The following WFDC10B variants were observed in gnomAD, a reference collection of about 807,000 sequenced individuals.
The protein encoded by WFDC10B is protein WFDC10B.
Under a neutral mutation model 2.7 loss-of-function variants are expected in WFDC10B, and 1 was observed. The ratio of observed to expected loss-of-function variants is 0.38; its 90% confidence interval spans 0.13 to 1.79. The LOEUF (loss-of-function observed/expected upper bound fraction) is 1.79. WFDC10B is among the 40% of genes most tolerant of loss of function. The probability of loss-of-function intolerance (pLI) is 0.33; values close to 1 mark genes in which losing one functional copy is unlikely to be tolerated. For synonymous variants in WFDC10B, 26 were observed against 32.2 expected, an observed-to-expected ratio of 0.81 and a Z score of 0.65; for missense variants, 71 against 87.8, an observed-to-expected ratio of 0.81 and a Z score of 0.76.
chr20:45,684,668 T>C lies in WFDC10B; in HGVS notation c.*162A>G. 1 of 925,934 alleles carries C rather than the reference T, an allele frequency of 1.1e-6. No homozygotes were observed. Among genetic ancestry groups the C allele is most frequent in the South Asian group, 1.7e-5 (1 of 58,094 alleles). The allele number at this position is 925,934 out of a possible 1,614,324, so 57.4% of individuals were successfully genotyped here. A position where few individuals can be genotyped will look rare whatever the true frequency, so the allele number is the denominator to read the frequency against. On this transcript the variant is annotated 3_prime_UTR_variant, in exon 4 of 4. Transcript: ENST00000330523. ...AGGCAGGATCCATGGGCATTTGTTC[T>C]GGTTTATTTGACAGGGACAGGGAGT...
intron 2 of WFDC10B, among the ~76,000 whole-genome samples, chr20:45,692,179 C>T (rs1983833818): frequency 6.6e-6 from 1 of 152,172 alleles, no homozygotes; most frequent in African/African-American, 2.4e-5. Flanking sequence ...TCTCTTCTGG[C>T]TTGTAGAGTT....
chr20:45,702,308 G>A (rs1226222905), intron 2 of WFDC10B: 23 of 1,264,186 alleles, frequency 1.8e-5, no homozygotes, highest in South Asian at 9.5e-5. Context: ...GAAAAATACC[G>A]TGTCATGTTC....
rs1002233434 is a variant in WFDC10B at position 45,704,563 on chromosome 20, T to C, written c.-129-2A>G. On this transcript the variant is annotated splice_acceptor_variant, in intron 1 of 3. Transcript: ENST00000330523. LOFTEE classifies it low-confidence loss of function (5UTR_SPLICE). ...CTGTTCCTCCTTCTGTGGGATAGTC[T>C]GTTCATCAGAAACATTTCAAAAGCG... The C allele has an allele frequency of 6.2e-7, 1 of 1,614,070 alleles. No homozygotes were observed. Among genetic ancestry groups the C allele is most frequent in the African/African-American group, 1.3e-5 (1 of 74,920 alleles).
intron 2 of WFDC10B, among the ~76,000 whole-genome samples, chr20:45,697,275 G>A (rs1281439159): frequency 6.6e-6 from 1 of 150,640 alleles, no homozygotes; most frequent in Non-Finnish European, 1.5e-5. Flanking sequence ...AAAATACCTA[G>A]AAATAAATTT....
At chr20:45,686,919 C>T (rs1983639418) in intron 2 of WFDC10B, among the ~76,000 whole-genome samples, 1 of 152,074 alleles carries the variant, frequency 6.6e-6, no homozygotes, top group African/African-American at 2.4e-5. Context: ...TATCAACCTC[C>T]CAAAGTCATG....
rs751601632 is a variant in WFDC10B, at chr20:45,685,379, TCTC to T, written c.92-422_92-420del. ...GATGAACTTGCCTCTCATCCCTCCT[TCTC>T]CTCTCCTCTCCATCACTGTCCCTAG... On this transcript the variant is annotated intron_variant, in intron 3 of 3. Coordinates refer to ENST00000330523, the MANE Select transcript of WFDC10B (RefSeq NM_172006.2). 1.4e-3 allele frequency among the ~76,000 whole-genome samples: 220 copies of T among 151,836 alleles called. 4 individuals are homozygous for T. Among genetic ancestry groups the T allele is most frequent in the Admixed American group, 1.6e-3 (24 of 15,260 alleles).
chr20:45,692,097 G>A (rs919321498), intron 2 of WFDC10B, among the ~76,000 whole-genome samples: 1 of 152,096 alleles, frequency 6.6e-6, no homozygotes, highest in Non-Finnish European at 1.5e-5. Flanking sequence ...CACTTATGAA[G>A]CTTAGTTTGG....
At chr20:45,704,280 C>G (rs1984294727) in intron 2 of WFDC10B, among the ~76,000 whole-genome samples, 1 of 152,186 alleles carries the variant, frequency 6.6e-6, no homozygotes, top group African/African-American at 2.4e-5. Context: ...GCTCAGAACT[C>G]AGAGGAAGGC....
At position 45,686,195 on chromosome 20, in the gene WFDC10B, G is replaced by A. The variant is rs1054421337; in HGVS notation, c.-64-139C>T. ...CCTGTCCTTCTCCATGTAGGATAGGGCTTCTGCAGGAATGATGCCTCCTCT... is the reference window on the plus strand; with the variant it reads ...CCTGTCCTTCTCCATGTAGGATAGGACTTCTGCAGGAATGATGCCTCCTCT... On this transcript the variant is annotated intron_variant, in intron 2 of 3. Coordinates refer to ENST00000330523, the MANE Select transcript of WFDC10B (RefSeq NM_172006.2). 138 of 983,632 alleles carry A rather than the reference G, an allele frequency of 1.4e-4. No individual in the cohort carries two copies. The African/African-American group carries it at 2.0e-3, about 14-fold the overall frequency. 60.9% of individuals were successfully genotyped at this position (983,632 alleles called of 1,614,324 possible).
chr20:45,687,515 G>T (rs188416102), intron 2 of WFDC10B, among the ~76,000 whole-genome samples: 346 of 152,150 alleles, frequency 2.3e-3, no homozygotes, highest in African/African-American at 8.0e-3. Flanking sequence ...CCATTCCTTT[G>T]GGTATATACC....
In WFDC10B at chr20:45,684,729, TCTTGTG is replaced by T; in HGVS notation, c.*95_*100del. On this transcript the variant is annotated 3_prime_UTR_variant, in exon 4 of 4. Coordinates refer to ENST00000330523, the MANE Select transcript of WFDC10B (RefSeq NM_172006.2). ...GGGAGGGTGGCATTCCTGTTGATGTTCTTGTGCTGATGATTTGATGTCCTTGTGCTT... is the reference window on the plus strand; with the variant it reads ...GGGAGGGTGGCATTCCTGTTGATGTTCTGATGATTTGATGTCCTTGTGCTT... 1 of 1,508,432 alleles carries T rather than the reference TCTTGTG, an allele frequency of 6.6e-7. No homozygotes were observed. Among genetic ancestry groups the T allele is most frequent in the Non-Finnish European group, 9.0e-7 (1 of 1,109,862 alleles). 93.4% of individuals were successfully genotyped at this position (1,508,432 alleles called of 1,614,324 possible).
intron 2 of WFDC10B, among the ~76,000 whole-genome samples, chr20:45,697,500 T>C (rs1274967014): frequency 6.7e-6 from 1 of 149,484 alleles, no homozygotes; most frequent in Non-Finnish European, 1.5e-5. Flanking sequence ...TATAGGCGCA[T>C]GCCACTACGC....
chr20:45,695,579 G>A (rs1983951950), intron 2 of WFDC10B, among the ~76,000 whole-genome samples: 1 of 152,078 alleles, frequency 6.6e-6, no homozygotes, highest in Non-Finnish European at 1.5e-5. Flanking sequence ...CAGCCACAAT[G>A]GAACAAAGCT....
At position 45,704,406 on chromosome 20, in the gene WFDC10B, G is replaced by A. The variant is rs759548147; in HGVS notation, c.-65+91C>T. On this transcript the variant is annotated intron_variant, in intron 2 of 3. Transcript: ENST00000330523. ...TGAGTTCTGAACATTACTCCAGCCT[G>A]TTGGTGAGGCCCTTCTCTTACTTGT... 5.7e-6 allele frequency: 9 copies of A among 1,590,540 alleles called. No individual in the cohort carries two copies. In the Admixed American group the frequency reaches 1.6e-4, roughly 28 times the overall value.
intron 2 of WFDC10B, among the ~76,000 whole-genome samples, chr20:45,697,103 A>G (rs187795624): frequency 2.6e-3 from 395 of 152,332 alleles, no homozygotes; most frequent in Non-Finnish European, 4.2e-3. Flanking sequence ...CAACATTGTA[A>G]TGGAGTTCTA....
chr20:45,692,402 G>A lies in WFDC10B; in HGVS notation c.-64-6346C>T, dbSNP rs1173284516. ...TGGCCTGCCTTGCTAGATTGGGGAAGTTCTCCTGGATAATAACCTGCAGAG... is the reference window on the plus strand; with the variant it reads ...TGGCCTGCCTTGCTAGATTGGGGAAATTCTCCTGGATAATAACCTGCAGAG... On this transcript the variant is annotated intron_variant, in intron 2 of 3. Coordinates refer to ENST00000330523, the MANE Select transcript of WFDC10B (RefSeq NM_172006.2). 2.6e-5 allele frequency among the ~76,000 whole-genome samples: 4 copies of A among 152,074 alleles called. 1 individual carries two copies. The highest frequency in any genetic ancestry group is 5.9e-5 in the Non-Finnish European group (4 of 68,022).
At chr20:45,690,179 A>T (rs1299486302) in intron 2 of WFDC10B, among the ~76,000 whole-genome samples, 16 of 151,186 alleles carry the variant, frequency 1.1e-4, no homozygotes, top group Non-Finnish European at 1.5e-5. Context: ...CTTGCATCCC[A>T]GGGATGAAGC....
At chr20:45,688,665 C>A (rs1983709039) in intron 2 of WFDC10B, among the ~76,000 whole-genome samples, 1 of 148,254 alleles carries the variant, frequency 6.7e-6, no homozygotes. Flanking sequence ...TGTTCATGTC[C>A]TTCGCCCACT....
intron 2 of WFDC10B, among the ~76,000 whole-genome samples, chr20:45,694,868 G>A (rs1224867256): frequency 6.6e-6 from 1 of 152,166 alleles, no homozygotes; most frequent in African/African-American, 2.4e-5. Context: ...AAGAAGGAAG[G>A]AGTTGAAGCT....
Sources: gnomAD v4.1 joint callset for allele counts (sites outside exome capture counted in the v4.1 genomes callset) on GRCh38, gnomAD v4.1.1 for gene constraint, MANE v1.5 for transcripts, NCBI Gene and HGNC (gene_info 2026-07-23, HGNC 2026-07-21) for gene names.